The following CLDN2 variants were observed in gnomAD, a reference collection of about 807,000 sequenced individuals.
CLDN2 encodes the protein claudin-2.
In CLDN2, 1 loss-of-function variant was observed where a neutral mutation model predicts 8.2. The ratio of observed to expected loss-of-function variants is 0.12; its 90% CI spans 0.04 to 0.58. The LOEUF is 0.58. CLDN2 is among the 20% of genes least tolerant of loss of function. CLDN2 has a pLI of 0.90. For synonymous variants in CLDN2, 70 were observed against 70.2 expected (o/e 1.00, Z 0.01); for missense variants, 108 against 172.9 (o/e 0.62, Z 2.11).
intron 1 of CLDN2, among the ~76,000 whole-genome samples, chrX:106,903,992 AG>A (rs1933146429): frequency 8.9e-6 from 1 of 112,410 alleles, no homozygotes; most frequent in Non-Finnish European, 1.9e-5. Flanking sequence ...GGTCCAGTGA[AG>A]GAGAGCAGGC....
chrX:106,918,165 C>G (rs999070924), upstream of CLDN2, among the ~76,000 whole-genome samples: 2 of 112,558 alleles, frequency 1.8e-5, no homozygotes, highest in Non-Finnish European at 3.8e-5. Flanking sequence ...TGCATTCAAT[C>G]AGCATTTTCT....
chrX:106,904,645 C>T (rs781712574), intron 1 of CLDN2, among the ~76,000 whole-genome samples: 211 of 112,182 alleles, frequency 1.9e-3, no homozygotes, highest in Non-Finnish European at 7.1e-4. Context: ...ACCTACCCCC[C>T]ATCTTCACCC....
intron 1 of CLDN2, chrX:106,903,139 C>T: frequency 1.7e-6 from 2 of 1,211,191 alleles, no homozygotes; most frequent in East Asian, 3.0e-5. Flanking sequence ...TTACCTTTCA[C>T]TCCCATTTAC....
intron 1 of CLDN2, chrX:106,903,292 A>T: frequency 8.4e-7 from 1 of 1,192,273 alleles, no homozygotes; most frequent in Non-Finnish European, 1.1e-6. Flanking sequence ...GTCCATTCTT[A>T]GGGGACCAAA....
intron 1 of CLDN2, among the ~76,000 whole-genome samples, chrX:106,921,701 C>T (rs1184359069): frequency 3.6e-5 from 4 of 112,222 alleles, no homozygotes; most frequent in Admixed American, 9.4e-5. Context: ...TCAGGAGCTG[C>T]GGTCAATCTT....
intron 1 of CLDN2, among the ~76,000 whole-genome samples, chrX:106,924,222 CTTGT>C (rs1324020726): frequency 1.8e-5 from 2 of 110,890 alleles, no homozygotes; most frequent in African/African-American, 6.6e-5. Flanking sequence ...TAATGAATGG[CTTGT>C]TTAAGGATCT....
rs2147796247 is a variant in CLDN2, at chrX:106,929,286, A to T, written c.*365A>T. ...CAAACCCACTAATCACATCCCACTG[A>T]CTGACCCTCTGTGATCAAAGACCCT... On this transcript the variant is annotated 3_prime_UTR_variant, in exon 2 of 2. Coordinates refer to ENST00000336803, the MANE Select transcript of CLDN2 (RefSeq NM_020384.4). The T allele has an allele frequency of 4.7e-6, 1 of 211,518 alleles. No individual in the cohort carries two copies. Among genetic ancestry groups the T allele is most frequent in the African/African-American group, 2.9e-5 (1 of 34,021 alleles). 17.4% of individuals were successfully genotyped at this position (211,518 alleles called of 1,213,427 possible). A position where few individuals can be genotyped will look rare whatever the true frequency, so the allele number is the denominator to read the frequency against.
At chrX:106,921,453 GA>G (rs1343610220) in intron 1 of CLDN2, among the ~76,000 whole-genome samples, 1 of 111,704 alleles carries the variant, frequency 9.0e-6, no homozygotes, top group East Asian at 2.8e-4. Context: ...AGATTCTTAT[GA>G]GGGGCAGTGA....
intron 1 of CLDN2, among the ~76,000 whole-genome samples, chrX:106,920,923 C>G (rs1472472050): frequency 9.0e-6 from 1 of 111,673 alleles, no homozygotes; most frequent in East Asian, 2.8e-4. Flanking sequence ...TCACAGCCAG[C>G]TCCAGTGCCC....
chrX:106,920,711 G>T (rs1933379700), intron 1 of CLDN2, among the ~76,000 whole-genome samples, 160 bp downstream of exon 1: 1 of 111,992 alleles, frequency 8.9e-6, no homozygotes, highest in Non-Finnish European at 1.9e-5. Context: ...GGTGGCATTT[G>T]GGTTGGTGGT....
chrX:106,902,399 C>T (rs1326988827), intron 1 of CLDN2, among the ~76,000 whole-genome samples: 7 of 112,054 alleles, frequency 6.2e-5, no homozygotes, highest in African/African-American at 2.3e-4. Flanking sequence ...GTTATTATTG[C>T]TTTTATCATG....
upstream of CLDN2, among the ~76,000 whole-genome samples, chrX:106,915,090 T>C (rs1344315523): frequency 8.9e-6 from 1 of 112,299 alleles, no homozygotes; most frequent in Non-Finnish European, 1.9e-5. Context: ...TTCAAGAATG[T>C]CATATAAATA....
At chrX:106,916,230 A>G (rs2147790504), upstream of CLDN2, among the ~76,000 whole-genome samples, 1 of 111,192 alleles carries the variant, frequency 9.0e-6, no homozygotes, top group African/African-American at 3.3e-5. Context: ...TCAGGGAAGC[A>G]ACCGTTAAGC....
chrX:106,913,556 A>G (rs2147789620), upstream of CLDN2, among the ~76,000 whole-genome samples: 1 of 112,656 alleles, frequency 8.9e-6, no homozygotes, highest in Non-Finnish European at 1.9e-5. Context: ...TATTGCTGCC[A>G]TAACAAATTA....
At chrX:106,909,809 C>G (rs1933224742) in intron 1 of CLDN2, among the ~76,000 whole-genome samples, 1 of 111,965 alleles carries the variant, frequency 8.9e-6, no homozygotes, top group Non-Finnish European at 1.9e-5. Context: ...TGGGTCAGCT[C>G]TCTTCCTACA....
intron 1 of CLDN2, among the ~76,000 whole-genome samples, chrX:106,907,350 C>T (rs1274204327): frequency 8.9e-6 from 1 of 111,904 alleles, no homozygotes; most frequent in South Asian, 3.7e-4. Context: ...AATGTTTTCA[C>T]AGCAAAATGA....
At chrX:106,914,445 C>T (rs910354733), upstream of CLDN2, among the ~76,000 whole-genome samples, 2 of 111,251 alleles carry the variant, frequency 1.8e-5, no homozygotes, top group African/African-American at 6.5e-5. Flanking sequence ...TTAAATACCC[C>T]CCTTCTCTAC....
chrX:106,928,766 A>G lies in CLDN2; in HGVS notation c.538A>G (p.Ile180Val). The change falls in exon 2 of 2, where the codon ATC becomes GTC. Residue 180 changes from isoleucine to valine, a missense_variant. By Grantham distance (29) the Ile-to-Val change is conservative (BLOSUM62 3). Transcript: ENST00000336803. ...CCTGTTCTCCCTGATAGCTGGAATC[A>G]TCCTCTGCTTTTCCTGCTCATCCCA... ...SSLFSLIAGIILCFSCSSQRN... is the reference protein window; with the variant it reads ...SSLFSLIAGIVLCFSCSSQRN... 8.3e-7 allele frequency: 1 copy of G among 1,211,361 alleles called. No homozygotes were observed. The highest frequency in any genetic ancestry group is 1.1e-6 in the Non-Finnish European group (1 of 895,402).
chrX:106,902,713 G>A (rs947382286), intron 1 of CLDN2, among the ~76,000 whole-genome samples: 4 of 112,121 alleles, frequency 3.6e-5, no homozygotes, highest in Non-Finnish European at 7.5e-5. Flanking sequence ...TAGGAAAAAA[G>A]CAAATGGAAA....
Sources: allele counts gnomAD v4.1 joint callset (sites outside exome capture counted in the v4.1 genomes callset), GRCh38; gene constraint gnomAD v4.1.1; transcripts MANE v1.5; gene names NCBI Gene and HGNC (gene_info 2026-07-23, HGNC 2026-07-21).